The following TWIST2 variants were observed in gnomAD, a reference collection of about 807,000 sequenced individuals.
The protein encoded by TWIST2 is twist family bHLH transcription factor 2, also known as twist-related protein 2.
A neutral mutation model predicts 11.6 loss-of-function variants in TWIST2; 1 was observed. The ratio of observed to expected loss-of-function variants is 0.09; its 90% CI spans 0.03 to 0.41. TWIST2 has a LOEUF of 0.41. TWIST2 is among the 10% of genes least tolerant of loss of function. The pLI, the probability that TWIST2 is intolerant of heterozygous loss-of-function variation, is 0.98. For missense variants in TWIST2, 168 were observed against 226.4 expected, an observed-to-expected ratio of 0.74 and a Z score of 1.66; for synonymous variants, 87 against 96.6, an observed-to-expected ratio of 0.90 and a Z score of 0.58.
intron 1 of TWIST2, among the ~76,000 whole-genome samples, chr2:238,905,942 T>TGTGTGCGC (rs1693343825): frequency 2.7e-5 from 3 of 109,734 alleles, no homozygotes; most frequent in African/African-American, 1.1e-4. Context: ...CGCGTGTGTG[T>TGTGTGCGC]GCGCGCGCGT....
intron 1 of TWIST2, among the ~76,000 whole-genome samples, chr2:238,883,056 C>T (rs1051477211): frequency 2.6e-5 from 4 of 152,198 alleles, no homozygotes; most frequent in Non-Finnish European, 4.4e-5. Flanking sequence ...GTGATTCCTT[C>T]TCCTCCAGGT....
intron 1 of TWIST2, among the ~76,000 whole-genome samples, chr2:238,858,380 T>C (rs1409526382): frequency 6.6e-6 from 1 of 152,228 alleles, no homozygotes; most frequent in Non-Finnish European, 1.5e-5. Context: ...GATTCTTCCC[T>C]TTAGTAAGCT....
chr2:238,885,150 G>A (rs1177779379), intron 1 of TWIST2, among the ~76,000 whole-genome samples: 1 of 152,206 alleles, frequency 6.6e-6, no homozygotes, highest in Non-Finnish European at 1.5e-5. Context: ...CTGTGAGCAT[G>A]AGGTGCCCCC....
rs200496325 is a variant in TWIST2, at chr2:238,873,865, TC to T, written c.*35+25133del. Among the ~76,000 whole-genome samples the T allele has an allele frequency of 3.6e-3, 541 of 152,304 alleles. 2 individuals are homozygous for T. The highest frequency in any genetic ancestry group is 0.013 in the African/African-American group (523 of 41,554). ...AGAGAAGCTGGAGGCCTGTGATTCT[TC>T]TCCTTTACCGTCCCTGCCTCCAAAT... On this transcript the variant is annotated intron_variant, in intron 1 of 1. Transcript: ENST00000612363.
intron 1 of TWIST2, among the ~76,000 whole-genome samples, chr2:238,908,659 G>C (rs1693397137): frequency 1.3e-5 from 2 of 152,200 alleles, no homozygotes; most frequent in Non-Finnish European, 2.9e-5. Flanking sequence ...GGATATGTAT[G>C]TGGTATGTTT....
At chr2:238,876,021 G>C (rs559043789) in intron 1 of TWIST2, among the ~76,000 whole-genome samples, 1 of 152,206 alleles carries the variant, frequency 6.6e-6, no homozygotes, top group Non-Finnish European at 1.5e-5. Flanking sequence ...GGTTCACATC[G>C]TCATCCCACT....
chr2:238,902,980 G>GT (rs1449422562), intron 1 of TWIST2, among the ~76,000 whole-genome samples: 2 of 35,776 alleles, frequency 5.6e-5, no homozygotes, highest in Non-Finnish European at 5.0e-5. Flanking sequence ...GTGTGATGTG[G>GT]GTGTGTGATG....
rs1325339953 is a variant in TWIST2 at position 238,876,861 on chromosome 2, C to T, written c.*35+28128C>T. Reference sequence around the variant, plus strand: ...GAATAAAGGGAATCGACTCGAGATACTAAAATGCATCTGAGAAAAATTTAA... The same window carrying T: ...GAATAAAGGGAATCGACTCGAGATATTAAAATGCATCTGAGAAAAATTTAA... On this transcript the variant is annotated intron_variant, in intron 1 of 1. Transcript: ENST00000612363. Among the ~76,000 whole-genome samples the T allele has an allele frequency of 4.6e-5, 7 of 152,214 alleles. No homozygotes were observed. In the South Asian group the frequency reaches 1.5e-3, roughly 32 times the overall value.
chr2:238,907,160 C>T (rs1449393691), intron 1 of TWIST2, among the ~76,000 whole-genome samples: 30 of 152,186 alleles, frequency 2.0e-4, no homozygotes, highest in African/African-American at 5.8e-4. Context: ...CCCTGAGGCG[C>T]GGCGCGGGGC....
intron 1 of TWIST2, among the ~76,000 whole-genome samples, chr2:238,907,108 T>C (rs1006029080): frequency 1.1e-4 from 17 of 152,150 alleles, no homozygotes; most frequent in African/African-American, 4.1e-4. Flanking sequence ...CAACACAGCC[T>C]GGGGGCTGCT....
At position 238,867,413 on chromosome 2, in the gene TWIST2, T is replaced by C. The variant is rs139734422; in HGVS notation, c.*35+18680T>C. On this transcript the variant is annotated intron_variant, in intron 1 of 1. Transcript: ENST00000612363. The surrounding 1 kb of genome is among the most constrained non-coding windows in gnomAD (Gnocchi z 4.8). ...CACACACACACACACACACACACAC[T>C]CCTCAGTAAAATACCCAGTTCTCAC... 9.8e-3 allele frequency among the ~76,000 whole-genome samples: 567 copies of C among 57,898 alleles called. 1 individual carries two copies. The highest frequency in any genetic ancestry group is 0.017 in the Non-Finnish European group (446 of 26,298). The allele number at this position is 57,898 out of a possible 152,430, so 38.0% of individuals were successfully genotyped here.
chr2:238,892,674 T>C (rs1441604939), intron 1 of TWIST2, among the ~76,000 whole-genome samples: 4 of 151,948 alleles, frequency 2.6e-5, no homozygotes, highest in Non-Finnish European at 5.9e-5. Flanking sequence ...AGAGACGGGA[T>C]TTCACCATGT....
chr2:238,849,305 G>A (rs1692196517), intron 1 of TWIST2, among the ~76,000 whole-genome samples: 1 of 152,220 alleles, frequency 6.6e-6, no homozygotes, highest in Non-Finnish European at 1.5e-5. Context: ...CCCAGTGGGC[G>A]TAGAGGTGCG....
At chr2:238,870,567 A>ACC (rs754389946) in intron 1 of TWIST2, among the ~76,000 whole-genome samples, 3 of 30,124 alleles carry the variant, frequency 1.0e-4, no homozygotes, top group Admixed American at 4.1e-4. Flanking sequence ...CACACCACAC[A>ACC]CCACACACCA....
rs549980173 is a variant in TWIST2 at position 238,889,750 on chromosome 2, C to T, written c.*36-20092C>T. On this transcript the variant is annotated intron_variant, in intron 1 of 1. Coordinates refer to ENST00000612363, the MANE Select transcript of TWIST2 (RefSeq NM_001271893.4). ...GGCTGGTGGCCACATTTGTAAATGA[C>T]GGCTCTGATGCTCTGATACTCAGTG... 1.5e-4 allele frequency among the ~76,000 whole-genome samples: 23 copies of T among 152,332 alleles called. 1 individual carries two copies. In the South Asian group the frequency reaches 4.1e-3, roughly 27 times the overall value.
chr2:238,868,233 C>T (rs751938061), intron 1 of TWIST2, among the ~76,000 whole-genome samples: 1 of 152,158 alleles, frequency 6.6e-6, no homozygotes, highest in South Asian at 2.1e-4. Flanking sequence ...CCTTAGACAT[C>T]GTCTAGTACA....
intron 1 of TWIST2, among the ~76,000 whole-genome samples, chr2:238,904,965 G>A (rs886711167): frequency 4.6e-5 from 7 of 151,142 alleles, no homozygotes; most frequent in Non-Finnish European, 1.0e-4. Flanking sequence ...ATGGATGGAA[G>A]GAAGGAAGAG....
intron 1 of TWIST2, among the ~76,000 whole-genome samples, chr2:238,856,916 C>T (rs1692341131): frequency 6.6e-6 from 1 of 152,192 alleles, no homozygotes; most frequent in Non-Finnish European, 1.5e-5. Context: ...GGTGCCTTCC[C>T]TTCCTGTTTG....
rs938016318 is a variant in TWIST2 at position 238,864,200 on chromosome 2, A to G, written c.*35+15467A>G. Among the ~76,000 whole-genome samples the G allele has an allele frequency of 1.3e-5, 2 of 150,488 alleles. No homozygotes were observed. The highest frequency in any genetic ancestry group is 2.2e-4 in the South Asian group (1 of 4,636). ...GCATGGGGGGAAGGGGCTGGAGGTG[A>G]GGGGGGACCTCTCGGGCTGTGCCGT... On this transcript the variant is annotated intron_variant, in intron 1 of 1. Coordinates refer to ENST00000612363, the MANE Select transcript of TWIST2 (RefSeq NM_001271893.4). The surrounding 1 kb of genome is among the most constrained non-coding windows in gnomAD (Gnocchi z 4.7).
Sources: allele counts gnomAD v4.1 joint callset (sites outside exome capture counted in the v4.1 genomes callset), GRCh38; gene constraint gnomAD v4.1.1; non-coding constraint Gnocchi (gnomAD v3.1); transcripts MANE v1.5; gene names NCBI Gene and HGNC (gene_info 2026-07-23, HGNC 2026-07-21).